PRLR: variants seen among roughly 807,000 people sequenced by gnomAD.
PRLR encodes prolactin receptor, also known as hPRL receptor.
Under a neutral mutation model 40.2 loss-of-function variants are expected in PRLR, and 13 were observed. The ratio of observed to expected loss-of-function variants is 0.32; its 90% CI spans 0.21 to 0.51. PRLR has a LOEUF of 0.51. PRLR is among the 20% of genes least tolerant of loss of function. The pLI, the probability that PRLR is intolerant of heterozygous loss-of-function variation, is 0.97. For missense variants in PRLR, 656 were observed against 747.3 expected (o/e 0.88, Z 1.42); for synonymous variants, 269 against 278.7 (o/e 0.97, Z 0.35).
chr5:35,102,152 A>T (rs1771924958), intron 2 of PRLR, among the ~76,000 whole-genome samples: 1 of 151,918 alleles, frequency 6.6e-6, no homozygotes, highest in African/African-American at 2.4e-5. Flanking sequence ...TTGGGTGCAC[A>T]CTTCTAAAAA....
intron 1 of PRLR, among the ~76,000 whole-genome samples, chr5:35,137,074 A>T (rs762344450): frequency 2.0e-5 from 3 of 152,222 alleles, no homozygotes; most frequent in Non-Finnish European, 4.4e-5. Flanking sequence ...TCAATTTCTA[A>T]TGCAGAATAC....
chr5:35,063,838 C>G lies in PRLR; in HGVS notation c.*1251G>C, dbSNP rs1250779578. On this transcript the variant is annotated 3_prime_UTR_variant, in exon 10 of 10. Transcript: ENST00000618457. ...ACAGGAGTCCCAGAGGAGCCTGAAA[C>G]TCAAAGGAGAAATAATTTCTGGTCT... The G allele has an allele frequency of 1.3e-5, 2 of 152,102 alleles. No homozygotes were observed. 9.4% of individuals were successfully genotyped at this position (152,102 alleles called of 1,614,324 possible). A position where few individuals can be genotyped will look rare whatever the true frequency, so the allele number is the denominator to read the frequency against.
intron 1 of PRLR, among the ~76,000 whole-genome samples, chr5:35,168,697 T>A (rs895730066): frequency 2.6e-5 from 4 of 152,274 alleles, no homozygotes; most frequent in African/African-American, 9.6e-5. Flanking sequence ...ATGAATAGGC[T>A]GAGCAATGAT....
At chr5:35,083,450 G>C (rs59290566) in intron 5 of PRLR, among the ~76,000 whole-genome samples, 4,888 of 96,568 alleles carry the variant, frequency 0.051, 167 homozygotes, top group African/African-American at 0.21. Context: ...CTCTCTCTCT[G>C]TGTGTGTGTG....
chr5:35,222,319 A>G (rs754212107), intron 1 of PRLR, among the ~76,000 whole-genome samples: 7 of 150,494 alleles, frequency 4.7e-5, no homozygotes, highest in Non-Finnish European at 1.0e-4. Context: ...AAAAAAAAGC[A>G]GCTGTTTAAA....
At chr5:35,125,863 A>G (rs1579702909) in intron 1 of PRLR, among the ~76,000 whole-genome samples, 1 of 152,196 alleles carries the variant, frequency 6.6e-6, no homozygotes, top group South Asian at 2.1e-4. Flanking sequence ...TAGTTTTCCA[A>G]TTATGTCAGC....
At chr5:35,176,796 G>A (rs371349519) in intron 1 of PRLR, among the ~76,000 whole-genome samples, 1,551 of 152,244 alleles carry the variant, frequency 0.01, 26 homozygotes, top group African/African-American at 0.035. Context: ...CCCCCAGCCC[G>A]ACACCCGTAA....
At chr5:35,181,780 T>C (rs949720184) in intron 1 of PRLR, among the ~76,000 whole-genome samples, 2 of 152,170 alleles carry the variant, frequency 1.3e-5, no homozygotes, top group Admixed American at 1.3e-4. Context: ...TCTATGTGCC[T>C]GTGCTTCTAA....
chr5:35,168,018 G>GA (rs1201637601), intron 1 of PRLR, among the ~76,000 whole-genome samples: 1 of 151,548 alleles, frequency 6.6e-6, no homozygotes, highest in East Asian at 1.9e-4. Context: ...AAAGATATGG[G>GA]AAAAAAAGAC....
chr5:35,156,127 TAA>T (rs765998296), intron 1 of PRLR, among the ~76,000 whole-genome samples: 3 of 103,812 alleles, frequency 2.9e-5, no homozygotes, highest in Non-Finnish European at 2.0e-5. Context: ...TTGCTCAAGA[TAA>T]AAAAAAAAAA....
intron 1 of PRLR, among the ~76,000 whole-genome samples, chr5:35,207,906 C>G (rs975095043): frequency 6.6e-6 from 1 of 152,070 alleles, no homozygotes; most frequent in Admixed American, 6.5e-5. Context: ...CCAGTTTAGA[C>G]GTTTCATTAA....
chr5:35,118,508 C>T (rs918131582), intron 1 of PRLR, among the ~76,000 whole-genome samples: 2 of 152,146 alleles, frequency 1.3e-5, no homozygotes, highest in Admixed American at 6.5e-5. Flanking sequence ...AGAACAAGGA[C>T]AATTCTCCTA....
At chr5:35,221,625 A>T in intron 1 of PRLR, among the ~76,000 whole-genome samples, 1 of 152,170 alleles carries the variant, frequency 6.6e-6, no homozygotes, top group East Asian at 1.9e-4. Flanking sequence ...GCACATTATA[A>T]ACCTGGAGAA....
intron 9 of PRLR, among the ~76,000 whole-genome samples, chr5:35,067,737 C>A (rs1436001373): frequency 6.6e-6 from 1 of 152,138 alleles, no homozygotes; most frequent in East Asian, 1.9e-4. Context: ...AAACAGATGG[C>A]CCCACAGTAC....
intron 2 of PRLR, among the ~76,000 whole-genome samples, chr5:35,093,138 G>C (rs1771317034): frequency 6.6e-6 from 1 of 152,168 alleles, no homozygotes; most frequent in Non-Finnish European, 1.5e-5. Flanking sequence ...AGGTCCAGCA[G>C]CTTGTGCTTT....
intron 1 of PRLR, among the ~76,000 whole-genome samples, chr5:35,122,991 G>A (rs998058264): frequency 2.9e-4 from 44 of 152,302 alleles, no homozygotes; most frequent in African/African-American, 1.1e-3. Context: ...GGGAATGGGA[G>A]ACAGTGCCCA....
At chr5:35,114,567 C>G (rs549594049) in intron 2 of PRLR, among the ~76,000 whole-genome samples, 1 of 152,302 alleles carries the variant, frequency 6.6e-6, no homozygotes, top group East Asian at 1.9e-4. Flanking sequence ...GCTCCTCTTC[C>G]TTGAAATGTC....
chr5:35,118,947 A>G (rs968474631), intron 1 of PRLR, among the ~76,000 whole-genome samples: 23 of 151,994 alleles, frequency 1.5e-4, no homozygotes. Flanking sequence ...GGCACATGTC[A>G]TTACACCTGG....
intron 5 of PRLR, among the ~76,000 whole-genome samples, chr5:35,080,429 C>T (rs1770428757): frequency 6.6e-6 from 1 of 152,162 alleles, no homozygotes; most frequent in African/African-American, 2.4e-5. Context: ...AGCCAACAGA[C>T]ACGTGAAAAA....
Sources: allele counts gnomAD v4.1 joint callset (sites outside exome capture counted in the v4.1 genomes callset), GRCh38; gene constraint gnomAD v4.1.1; transcripts MANE v1.5; gene names NCBI Gene and HGNC (gene_info 2026-07-23, HGNC 2026-07-21).